SLIT2: variants seen among roughly 807,000 people sequenced by gnomAD.
The protein encoded by SLIT2 is slit guidance ligand 2.
A neutral mutation model predicts 185.7 loss-of-function variants in SLIT2; 41 were observed. The observed-to-expected ratio is 0.22, with a 90% CI of 0.17 to 0.29. The LOEUF (loss-of-function observed/expected upper bound fraction) is 0.29, where lower values mean the gene tolerates loss of function less well. Among genes scored for constraint, SLIT2 ranks in the 10% least tolerant of loss-of-function variants. The probability of loss-of-function intolerance (pLI) is 1.00; values close to 1 mark genes in which losing one functional copy is unlikely to be tolerated. For synonymous variants in SLIT2, 693 were observed against 680.2 expected (o/e 1.02, Z -0.29); for missense variants, 1,571 against 1,909.0 (o/e 0.82, Z 3.30).
At chr4:20,425,733 A>G (rs1048286476) in intron 4 of SLIT2, among the ~76,000 whole-genome samples, 4 of 152,226 alleles carry the variant, frequency 2.6e-5, no homozygotes, top group Non-Finnish European at 4.4e-5. Flanking sequence ...TTAGTCTTTC[A>G]AATATCCAAA....
chr4:20,333,306 T>C (rs1019617603), intron 4 of SLIT2, among the ~76,000 whole-genome samples: 3 of 152,190 alleles, frequency 2.0e-5, no homozygotes, highest in African/African-American at 7.2e-5. Context: ...ATCAACACAC[T>C]GTATTTTTAA....
rs369113541 is a variant in SLIT2, at chr4:20,253,784, A to G, written c.-32A>G. 33 of 1,594,304 alleles carry G rather than the reference A, an allele frequency of 2.1e-5. 1 individual carries two copies. The Admixed American group carries it at 5.2e-4, about 25-fold the overall frequency. On this transcript the variant is annotated 5_prime_UTR_variant, in exon 1 of 37. Coordinates refer to ENST00000504154, the MANE Select transcript of SLIT2 (RefSeq NM_004787.4). ...GAGCAGCAAGCTAAAGAAAGCCCCC[A>G]GTGCCGGCGAGGAAGGAGGCGGCGG...
chr4:20,448,684 C>A (rs1243020951), intron 4 of SLIT2, among the ~76,000 whole-genome samples: 1 of 151,906 alleles, frequency 6.6e-6, no homozygotes. Context: ...TGTTGCCAGG[C>A]TGGAGTGCAG....
intron 4 of SLIT2, among the ~76,000 whole-genome samples, chr4:20,391,020 C>A (rs1057444385): frequency 2.0e-5 from 3 of 151,856 alleles, no homozygotes; most frequent in Non-Finnish European, 4.4e-5. Flanking sequence ...CATAAATAAT[C>A]CACTTAAAGA....
chr4:20,467,834 A>G lies in SLIT2; in HGVS notation c.467+11A>G, dbSNP rs368843250. Reference sequence around the variant, plus strand: ...TGACATAAAAAATTTGTAAGTATCTATTTTTAAATTTATAGTGTTTTAAGT... The same window carrying G: ...TGACATAAAAAATTTGTAAGTATCTGTTTTTAAATTTATAGTGTTTTAAGT... On this transcript the variant is annotated intron_variant, in intron 5 of 36. Coordinates refer to ENST00000504154, the MANE Select transcript of SLIT2 (RefSeq NM_004787.4). The G allele has an allele frequency of 5.8e-5, 82 of 1,409,708 alleles. No individual in the cohort carries two copies. In the Middle Eastern group the frequency reaches 6.0e-4, roughly 10 times the overall value. 87.3% of individuals were successfully genotyped at this position (1,409,708 alleles called of 1,614,324 possible).
chr4:20,453,781 T>C (rs982493900), intron 4 of SLIT2, among the ~76,000 whole-genome samples: 2 of 152,206 alleles, frequency 1.3e-5, no homozygotes, highest in African/African-American at 4.8e-5. Flanking sequence ...GTCAGGCACT[T>C]ATTCTATGCT....
chr4:20,580,289 C>T (rs1416036320), intron 29 of SLIT2, among the ~76,000 whole-genome samples: 3 of 151,378 alleles, frequency 2.0e-5, no homozygotes, highest in Non-Finnish European at 4.4e-5. Flanking sequence ...CCACGCACCT[C>T]GGCCTCCTGT....
At chr4:20,334,393 A>C (rs1720322648) in intron 4 of SLIT2, among the ~76,000 whole-genome samples, 1 of 152,176 alleles carries the variant, frequency 6.6e-6, no homozygotes, top group African/African-American at 2.4e-5. Flanking sequence ...AGCAAAGGAA[A>C]CAGTTAACTG....
In SLIT2 at chr4:20,463,455, ATAT is replaced by A. The variant is rs1156965777; in HGVS notation, c.396-4296_396-4294del. ...TCATTGACCTCAAACTGTGATATAT[ATAT>A]ATATATATATATATATATATATATA... is the stretch of plus-strand genomic sequence containing the variant. On this transcript the variant is annotated intron_variant, in intron 4 of 36. Transcript: ENST00000504154. Among the ~76,000 whole-genome samples the A allele has an allele frequency of 1.2e-4, 4 of 33,884 alleles. 1 individual carries two copies. The highest frequency in any genetic ancestry group is 4.0e-4 in the African/African-American group (4 of 9,920). The allele number at this position is 33,884 out of a possible 152,430, so 22.2% of individuals were successfully genotyped here.
intron 4 of SLIT2, among the ~76,000 whole-genome samples, chr4:20,286,951 T>G (rs535990573): frequency 2.4e-4 from 36 of 152,336 alleles, no homozygotes; most frequent in Middle Eastern, 3.4e-3. Context: ...GTTTTATAGA[T>G]GAAATAACTG....
intron 4 of SLIT2, among the ~76,000 whole-genome samples, chr4:20,329,165 G>C (rs1321106470): frequency 1.3e-5 from 2 of 151,822 alleles, no homozygotes; most frequent in Admixed American, 6.6e-5. Context: ...TATATTATAG[G>C]GTATTAACTG....
intron 27 of SLIT2, 22 bp from the exon 28 acceptor site, chr4:20,567,496 A>G (rs761652199): frequency 6.2e-6 from 10 of 1,611,224 alleles, no homozygotes; most frequent in South Asian, 3.3e-5. Flanking sequence ...TCACTCGACT[A>G]TACTTGCCCC....
chr4:20,434,514 G>T (rs907089334), intron 4 of SLIT2, among the ~76,000 whole-genome samples: 2 of 152,040 alleles, frequency 1.3e-5, no homozygotes, highest in African/African-American at 4.8e-5. Context: ...GAAGAAAATG[G>T]GGAAGGGATG....
intron 26 of SLIT2, among the ~76,000 whole-genome samples, chr4:20,564,672 A>G (rs564314831): frequency 5.4e-4 from 82 of 152,012 alleles, no homozygotes; most frequent in Non-Finnish European, 8.1e-4. Context: ...AACCTGAAGA[A>G]GTTGGAACTC....
At chr4:20,509,273 A>G (rs1227138696) in intron 9 of SLIT2, among the ~76,000 whole-genome samples, 1 of 152,002 alleles carries the variant, frequency 6.6e-6, no homozygotes, top group Non-Finnish European at 1.5e-5. Context: ...TTTTCTGTTG[A>G]AAAACAGAGG....
At chr4:20,610,628 C>G (rs1025379472) in intron 34 of SLIT2, among the ~76,000 whole-genome samples, 1 of 152,180 alleles carries the variant, frequency 6.6e-6, no homozygotes, top group African/African-American at 2.4e-5. Flanking sequence ...TGTTACCATG[C>G]TGGAGCTTCT....
chr4:20,389,534 T>G (rs4563491), intron 4 of SLIT2, among the ~76,000 whole-genome samples: 32,440 of 143,036 alleles, frequency 0.23, 3,745 homozygotes, highest in Non-Finnish European at 0.28. Context: ...TTGTTATGTG[T>G]TTTTTTTTTT....
chr4:20,426,684 G>A (rs780447683), intron 4 of SLIT2, among the ~76,000 whole-genome samples: 1 of 152,126 alleles, frequency 6.6e-6, no homozygotes, highest in Non-Finnish European at 1.5e-5. Flanking sequence ...AGAAATGAGA[G>A]CTGGGATCTA....
chr4:20,472,176 G>A (rs1902845), intron 5 of SLIT2, among the ~76,000 whole-genome samples: 110,254 of 136,584 alleles, frequency 0.81, 44,836 homozygotes, highest in East Asian at 0.93. Context: ...TTGCCAAAAT[G>A]TAACCAATAT....
Sources: gnomAD v4.1 joint callset for allele counts (sites outside exome capture counted in the v4.1 genomes callset) on GRCh38, gnomAD v4.1.1 for gene constraint, MANE v1.5 for transcripts, NCBI Gene and HGNC (gene_info 2026-07-23, HGNC 2026-07-21) for gene names.